ZNF761: variants seen among roughly 807,000 people sequenced by gnomAD.
ZNF761 encodes zinc finger protein 761.
ZNF761 carries 43 observed loss-of-function variants against 59.9 expected under a neutral mutation model. That is an observed-to-expected ratio of 0.72 (90% CI 0.56 to 0.92). The LOEUF (loss-of-function observed/expected upper bound fraction) is 0.92, where lower values mean the gene tolerates loss of function less well. Ranked by LOEUF, ZNF761 falls within the 40% of genes least tolerant of loss-of-function variation. The pLI, the probability that ZNF761 is intolerant of heterozygous loss-of-function variation, is 0.00. For synonymous variants in ZNF761, 294 were observed against 304.8 expected (o/e 0.96, Z 0.37); for missense variants, 850 against 906.1 (o/e 0.94, Z 0.79).
chr19:53,454,898 G>A lies in ZNF761; in HGVS notation c.391G>A (p.Ala131Thr). The change falls in exon 5 of 5, where the codon GCT (alanine) becomes ACT (threonine). Residue 131 changes from alanine to threonine, a missense_variant. By Grantham distance (58) the Ala-to-Thr change is moderately conservative (BLOSUM62 0). Coordinates refer to ENST00000684525, the MANE Select transcript of ZNF761 (RefSeq NM_001289951.2). ...TACAGAACGATATGATCAAAGTCAT[G>A]CTAGAAACAAGCCTATTAAAGATCA... Reference protein sequence around the residue: ...GITERYDQSHARNKPIKDQLG... With the variant: ...GITERYDQSHTRNKPIKDQLG... 1.2e-6 allele frequency: 2 copies of A among 1,614,192 alleles called. No homozygotes were observed. Among genetic ancestry groups the A allele is most frequent in the Middle Eastern group, 1.6e-4 (1 of 6,062 alleles).
chr19:53,455,910 G>A lies in ZNF761; in HGVS notation c.1403G>A (p.Cys468Tyr). The A allele has an allele frequency of 1.2e-6, 2 of 1,613,922 alleles. No individual in the cohort carries two copies. The highest frequency in any genetic ancestry group is 2.2e-5 in the South Asian group (2 of 91,068). Residue 468 changes from cysteine (C) to tyrosine (Y), a missense_variant, in exon 5 of 5, where the codon TGT becomes TAT. By Grantham distance (194) the Cys-to-Tyr change is radical. Coordinates refer to ENST00000684525, the MANE Select transcript of ZNF761 (RefSeq NM_001289951.2). ...RRHTGEQPYK[C>Y]EECDKAFRFK... is the part of the protein sequence containing the mutation. ...CATACTGGAGAGCAACCTTACAAAT[G>A]TGAAGAATGTGACAAAGCTTTCCGT...
intron 1 of ZNF761, chr19:53,444,916 C>G (rs2086139729): frequency 6.6e-6 from 1 of 152,212 alleles, no homozygotes; most frequent in African/African-American, 2.4e-5. Context: ...GCAAGCCCTG[C>G]CTCAGCTTTT....
chr19:53,456,810 G>A lies in ZNF761; in HGVS notation c.*62G>A. ...TGCAGGTCATCATAGAATTCATACT[G>A]GGGAGAAACCTTAGAAATGTGAAGC... is the stretch of plus-strand genomic sequence containing the variant. On this transcript the variant is annotated 3_prime_UTR_variant, in exon 5 of 5. Coordinates refer to ENST00000684525, the MANE Select transcript of ZNF761 (RefSeq NM_001289951.2). 2 of 1,551,132 alleles carry A rather than the reference G, an allele frequency of 1.3e-6. No individual in the cohort carries two copies. The highest frequency in any genetic ancestry group is 1.8e-6 in the Non-Finnish European group (2 of 1,129,894).
chr19:53,442,792 C>G, intron 1 of ZNF761: 2 of 420,846 alleles, frequency 4.8e-6, no homozygotes, highest in Non-Finnish European at 9.3e-6. Context: ...CCTGGAGATT[C>G]CAGCTGGGCT....
chr19:53,456,609 A>G lies in ZNF761; in HGVS notation c.2102A>G (p.Gln701Arg), dbSNP rs767543677. The G allele has an allele frequency of 1.2e-6, 2 of 1,612,450 alleles. No individual in the cohort carries two copies. Among genetic ancestry groups the G allele is most frequent in the Non-Finnish European group, 1.7e-6 (2 of 1,179,358 alleles). The part of the protein sequence containing the change: ...KCNECGKNFS[Q>R]KSSLICHHRL... ...AATGAGTGTGGCAAGAACTTTAGTCAGAAGTCATCCCTTATATGCCACCAT... is the reference window on the plus strand; with the variant it reads ...AATGAGTGTGGCAAGAACTTTAGTCGGAAGTCATCCCTTATATGCCACCAT... The change falls in exon 5 of 5, where the codon CAG (glutamine) becomes CGG (arginine). Residue 701 changes from glutamine to arginine, a missense_variant. Physicochemically the swap from Gln to Arg is conservative, Grantham distance 43. Coordinates refer to ENST00000684525, the MANE Select transcript of ZNF761 (RefSeq NM_001289951.2).
At chr19:53,445,919 G>A (rs569708678) in intron 1 of ZNF761, among the ~76,000 whole-genome samples, 3 of 152,104 alleles carry the variant, frequency 2.0e-5, no homozygotes, top group African/African-American at 7.2e-5. Context: ...CCCTGCCAGT[G>A]TCCAGCCTCC....
chr19:53,448,713 A>G (rs2086186636), intron 3 of ZNF761, among the ~76,000 whole-genome samples: 1 of 151,558 alleles, frequency 6.6e-6, no homozygotes, highest in Non-Finnish European at 1.5e-5. Flanking sequence ...GGCTCAAGCC[A>G]TCCTCCTACC....
rs750245548 is a variant in ZNF761 at position 53,454,910 on chromosome 19, C to G, written c.403C>G (p.Pro135Ala). The G allele has an allele frequency of 1.9e-6, 3 of 1,614,116 alleles. No homozygotes were observed. In the Admixed American group the frequency reaches 5.0e-5, roughly 27 times the overall value. ...RYDQSHARNK[P>A]IKDQLGSSFH... ...TGATCAAAGTCATGCTAGAAACAAG[C>G]CTATTAAAGATCAGCTTGGATCAAG... Residue 135 changes from proline (P) to alanine (A), a missense_variant, in exon 5 of 5, where the codon CCT becomes GCT. Physicochemically the swap from Pro to Ala is conservative, Grantham distance 27. Coordinates refer to ENST00000684525, the MANE Select transcript of ZNF761 (RefSeq NM_001289951.2).
At chr19:53,434,178 A>G (rs1232533666) in intron 1 of ZNF761, among the ~76,000 whole-genome samples, 2 of 152,200 alleles carry the variant, frequency 1.3e-5, no homozygotes, top group East Asian at 1.9e-4. Context: ...TTCGTGACTT[A>G]TCTTGTGCCC....
In ZNF761 at chr19:53,456,490, T is replaced by C; in HGVS notation, c.1983T>C (p.Pro661=). ...GGAGAATTCATACTGGAGAGAAACC[T>C]TACAAGTGTAATGAGTGTGGCAAGA... ...GHRRIHTGEK[P]YKCNECGKTF... is the part of the protein sequence containing the mutation. Residue 661 remains proline (P), a synonymous_variant, in exon 5 of 5, where the codon CCT becomes CCC. Coordinates refer to ENST00000684525, the MANE Select transcript of ZNF761 (RefSeq NM_001289951.2). 1.9e-6 allele frequency: 3 copies of C among 1,612,682 alleles called. No individual in the cohort carries two copies. The highest frequency in any genetic ancestry group is 2.5e-6 in the Non-Finnish European group (3 of 1,179,546).
chr19:53,436,947 G>A lies in ZNF761; in HGVS notation c.-185+4919G>A, dbSNP rs73935592. Reference sequence around the variant, plus strand: ...TCTTGGGGCTGAGTGGGCCCCTGTCGTGGGTTATTCTCAGCACAGGTTAAT... The same window carrying A: ...TCTTGGGGCTGAGTGGGCCCCTGTCATGGGTTATTCTCAGCACAGGTTAAT... On this transcript the variant is annotated intron_variant, in intron 1 of 4. Coordinates refer to ENST00000684525, the MANE Select transcript of ZNF761 (RefSeq NM_001289951.2). Among the ~76,000 whole-genome samples, 806 of 152,288 alleles carry A rather than the reference G, an allele frequency of 5.3e-3. 9 individuals carry two copies. Among genetic ancestry groups the A allele is most frequent in the African/African-American group, 0.017 (715 of 41,558 alleles).
Position 53,442,167 on chromosome 19 carries a change from A to T in ZNF761, c.-184-4060A>T, listed in dbSNP as rs2447883. On this transcript the variant is annotated intron_variant, in intron 1 of 4. Transcript: ENST00000684525. ...ATTGAAATCTGGGCCTTAAAAGATG[A>T]AGAAGATGGAACTCCAGGAAATCCA... 4,343 of 1,125,376 alleles carry T rather than the reference A, an allele frequency of 3.9e-3. 68 individuals carry two copies. In the African/African-American group the frequency reaches 0.045, roughly 12 times the overall value. The allele number at this position is 1,125,376 out of a possible 1,614,324, so 69.7% of individuals were successfully genotyped here. A position where few individuals can be genotyped will look rare whatever the true frequency, so the allele number is the denominator to read the frequency against.
intron 1 of ZNF761, among the ~76,000 whole-genome samples, chr19:53,435,289 C>CAAGTCCTT (rs2086027026): frequency 1.9e-5 from 1 of 53,590 alleles, no homozygotes. Flanking sequence ...AATACAAGTC[C>CAAGTCCTT]TTTTTTTTTT....
chr19:53,456,062 G>A lies in ZNF761; in HGVS notation c.1555G>A (p.Glu519Lys), dbSNP rs757556493. Residue 519 changes from glutamate (E) to lysine (K), a missense_variant, in exon 5 of 5, where the codon GAG becomes AAG. Physicochemically the swap from Glu to Lys is moderately conservative, Grantham distance 56 (BLOSUM62 1). Transcript: ENST00000684525. ...ATGCCATCATAGACTTCATACTGGA[G>A]AGAAAGCTTACAAGTGTAATGAGTG... ...LTCHHRLHTG[E>K]KAYKCNECGK... 1.1e-5 allele frequency: 18 copies of A among 1,598,404 alleles called. No homozygotes were observed. The South Asian group carries it at 1.6e-4, about 14-fold the overall frequency.
At chr19:53,451,771 T>A (rs1231045842) in intron 4 of ZNF761, among the ~76,000 whole-genome samples, 5 of 143,948 alleles carry the variant, frequency 3.5e-5, no homozygotes, top group Admixed American at 7.0e-5. Context: ...TTTTTTTTTT[T>A]AGAAACGGGG....
At position 53,456,465 on chromosome 19, in the gene ZNF761, G is replaced by C. The variant is rs2086272712; in HGVS notation, c.1958G>C (p.Arg653Thr). The stretch of plus-strand genomic sequence containing the variant: ...GTGAAATCAAACCTTGAAGGACATA[G>C]GAGAATTCATACTGGAGAGAAACCT... ...FRVKSNLEGH[R>T]RIHTGEKPYK... Residue 653 changes from arginine (R) to threonine (T), a missense_variant, in exon 5 of 5, where the codon AGG becomes ACG. Coordinates refer to ENST00000684525, the MANE Select transcript of ZNF761 (RefSeq NM_001289951.2). 6.2e-7 allele frequency: 1 copy of C among 1,612,420 alleles called. No homozygotes were observed. The highest frequency in any genetic ancestry group is 1.1e-5 in the South Asian group (1 of 90,974).
intron 3 of ZNF761, among the ~76,000 whole-genome samples, chr19:53,448,681 C>T (rs983317362): frequency 5.9e-5 from 9 of 151,902 alleles, no homozygotes; most frequent in African/African-American, 2.2e-4. Context: ...GTGATCTTAG[C>T]TCACTGCAAC....
chr19:53,455,293 A>G lies in ZNF761; in HGVS notation c.786A>G (p.Arg262=), dbSNP rs149309784. The change falls in exon 5 of 5, where the codon AGA becomes AGG. Residue 262 remains arginine, a synonymous_variant. Transcript: ENST00000684525. Reference sequence around the variant, plus strand: ...AGCGAAACCTAGCATGCCATCGTAGATGTCACACTGGTGAGAATCCTTACA... The same window carrying G: ...AGCGAAACCTAGCATGCCATCGTAGGTGTCACACTGGTGAGAATCCTTACA... The part of the protein sequence containing the change: ...NQKRNLACHR[R]CHTGENPYKC... 79 of 1,614,124 alleles carry G rather than the reference A, an allele frequency of 4.9e-5. No individual in the cohort carries two copies. Among genetic ancestry groups the G allele is most frequent in the Non-Finnish European group, 6.6e-5 (78 of 1,180,054 alleles).
chr19:53,457,119 G>A lies in ZNF761; in HGVS notation c.*371G>A. ...AGCCTTTAGTAGGCAGTCAACACTT[G>A]TTTACCGTCAGGCAATCCATGGTGT... On this transcript the variant is annotated 3_prime_UTR_variant, in exon 5 of 5. Transcript: ENST00000684525. 1 of 547,250 alleles carries A rather than the reference G, an allele frequency of 1.8e-6. No individual in the cohort carries two copies. The highest frequency in any genetic ancestry group is 3.4e-6 in the Non-Finnish European group (1 of 292,748). 33.9% of individuals were successfully genotyped at this position (547,250 alleles called of 1,614,324 possible). A position where few individuals can be genotyped will look rare whatever the true frequency, so the allele number is the denominator to read the frequency against.
Sources: gnomAD v4.1 joint callset for allele counts (sites outside exome capture counted in the v4.1 genomes callset) on GRCh38, gnomAD v4.1.1 for gene constraint, MANE v1.5 for transcripts, NCBI Gene and HGNC (gene_info 2026-07-23, HGNC 2026-07-21) for gene names.